ABCC3: variants seen among roughly 807,000 people sequenced by gnomAD.
ABCC3 encodes the protein ATP-binding cassette sub-family C member 3.
Under a neutral mutation model 165.3 loss-of-function variants are expected in ABCC3, and 121 were observed. The ratio of observed to expected loss-of-function variants is 0.73; its 90% CI spans 0.63 to 0.85. The LOEUF is 0.85. ABCC3 is among the 40% of genes least tolerant of loss of function. The probability of loss-of-function intolerance (pLI) is 0.00; values close to 1 mark genes in which losing one functional copy is unlikely to be tolerated. For missense variants in ABCC3, 1,869 were observed against 1,964.1 expected (o/e 0.95, Z 0.92); for synonymous variants, 733 against 810.1 (o/e 0.90, Z 1.62).
At chr17:50,683,502 C>A in intron 26 of ABCC3, 108 bp from the exon 27 acceptor site, 3 of 1,305,074 alleles carry the variant, frequency 2.3e-6, no homozygotes, top group Non-Finnish European at 3.0e-6. Context: ...AGGACCCTCC[C>A]AGGGACCATA....
intron 26 of ABCC3, among the ~76,000 whole-genome samples, chr17:50,681,281 G>T (rs189226625): frequency 6.6e-6 from 1 of 152,188 alleles, no homozygotes; most frequent in African/African-American, 2.4e-5. Flanking sequence ...TAAAAAGTAG[G>T]TTCTAAGACG....
chr17:50,684,082 G>C lies in ABCC3; in HGVS notation c.4088G>C (p.Arg1363Pro). The C allele has an allele frequency of 6.2e-7, 1 of 1,613,254 alleles. No homozygotes were observed. The highest frequency in any genetic ancestry group is 8.5e-7 in the Non-Finnish European group (1 of 1,179,734). Residue 1363 changes from arginine (R) to proline (P), a missense_variant, in exon 28 of 31, where the codon CGC becomes CCC. Coordinates refer to ENST00000285238, the MANE Select transcript of ABCC3 (RefSeq NM_003786.4). Reference sequence around the variant, plus strand: ...GCAGACATCGGCCTCCATGACCTGCGCTCTCAGCTGACCATCATCCCGCAG... The same window carrying C: ...GCAGACATCGGCCTCCATGACCTGCCCTCTCAGCTGACCATCATCCCGCAG... ...NVADIGLHDL[R>P]SQLTIIPQDP...
chr17:50,683,174 A>C (rs1967955792), intron 26 of ABCC3, among the ~76,000 whole-genome samples: 1 of 151,772 alleles, frequency 6.6e-6, no homozygotes, highest in Non-Finnish European at 1.5e-5. Context: ...GCACCACTGC[A>C]CTCCAGCCTG....
At position 50,673,676 on chromosome 17, in the gene ABCC3, C is replaced by T. The variant is rs1229231832; in HGVS notation, c.2599+18C>T. ...CTGGACCGGTATCTGCCATCCTGGG[C>T]CCTCTGATTCCCATGCCTTCCCAGC... On this transcript the variant is annotated intron_variant, in intron 19 of 30. Coordinates refer to ENST00000285238, the MANE Select transcript of ABCC3 (RefSeq NM_003786.4). 2 of 1,611,684 alleles carry T rather than the reference C, an allele frequency of 1.2e-6. No individual in the cohort carries two copies. Among genetic ancestry groups the T allele is most frequent in the Admixed American group, 1.7e-5 (1 of 59,932 alleles).
intron 1 of ABCC3, among the ~76,000 whole-genome samples, chr17:50,653,166 T>A (rs1006527630): frequency 9.3e-5 from 14 of 150,882 alleles, no homozygotes; most frequent in African/African-American, 3.2e-4. Flanking sequence ...GCCTACATGG[T>A]GAAACCCCAT....
intron 11 of ABCC3, among the ~76,000 whole-genome samples, chr17:50,666,567 A>T (rs909063429): frequency 6.6e-6 from 1 of 152,158 alleles, no homozygotes; most frequent in African/African-American, 2.4e-5. Flanking sequence ...TTCTTACAGG[A>T]TCCTGTGATT....
chr17:50,678,319 C>T, intron 25 of ABCC3, 100 bp downstream of exon 25: 1 of 1,286,492 alleles, frequency 7.8e-7, no homozygotes, highest in Non-Finnish European at 1.0e-6. Context: ...TCAGTATGGG[C>T]ACCAGCCACA....
chr17:50,657,958 TG>T, intron 4 of ABCC3, 123 bp from the exon 5 acceptor site: 1 of 1,368,880 alleles, frequency 7.3e-7, no homozygotes, highest in Non-Finnish European at 1.0e-6. Flanking sequence ...AGTGGGGACC[TG>T]GAGGCCCCCA....
chr17:50,679,606 C>T (rs1024034491), intron 25 of ABCC3, 192 bp from the exon 26 acceptor site: 28 of 537,952 alleles, frequency 5.2e-5, no homozygotes, highest in Non-Finnish European at 8.9e-5. Context: ...TCTGCACTGT[C>T]ACTGCCCAAG....
intron 17 of ABCC3, 82 bp downstream of exon 17, chr17:50,669,610 C>A: frequency 6.9e-7 from 1 of 1,449,578 alleles, no homozygotes; most frequent in Non-Finnish European, 9.5e-7. Context: ...ATATTCATCC[C>A]TTCATTCACA....
intron 1 of ABCC3, among the ~76,000 whole-genome samples, chr17:50,650,784 G>A (rs927912587): frequency 1.3e-5 from 2 of 151,466 alleles, no homozygotes; most frequent in South Asian, 2.1e-4. Context: ...TCTTAACCCC[G>A]GCCAGGTACA....
intron 1 of ABCC3, among the ~76,000 whole-genome samples, chr17:50,655,412 A>AAAAC (rs1555586116): frequency 5.4e-5 from 8 of 149,410 alleles, no homozygotes; most frequent in South Asian, 2.1e-4. Context: ...CTCAAAAAAA[A>AAAAC]AAAAAAAAAC....
Position 50,689,895 on chromosome 17 carries a change from T to C in ABCC3, c.4476-1197T>C, listed in dbSNP as rs1381004385. 2.0e-5 allele frequency among the ~76,000 whole-genome samples: 3 copies of C among 151,930 alleles called. No homozygotes were observed. In the East Asian group the frequency reaches 5.8e-4, roughly 29 times the overall value. ...GAGGGGCTTGGATGGACCTTGGAGG[T>C]TGGGAGTTCATTCATTCTAGTGGAA... On this transcript the variant is annotated intron_variant, in intron 30 of 30. Coordinates refer to ENST00000285238, the MANE Select transcript of ABCC3 (RefSeq NM_003786.4).
intron 24 of ABCC3, 40 bp downstream of exon 24, chr17:50,677,983 T>C (rs1247709866): frequency 1.9e-6 from 3 of 1,613,964 alleles, no homozygotes; most frequent in South Asian, 2.2e-5. Context: ...CCTCCAGGAA[T>C]TCCCAGCAGG....
At position 50,687,565 on chromosome 17, in the gene ABCC3, C is replaced by T; in HGVS notation, c.4310C>T (p.Ala1437Val). The T allele has an allele frequency of 6.2e-7, 1 of 1,613,898 alleles. No individual in the cohort carries two copies. Among genetic ancestry groups the T allele is most frequent in the Middle Eastern group, 1.6e-4 (1 of 6,062 alleles). The change falls in exon 30 of 31, where the codon GCC (alanine) becomes GTC (valine). Residue 1437 changes from alanine to valine, a missense_variant. Coordinates refer to ENST00000285238, the MANE Select transcript of ABCC3 (RefSeq NM_003786.4). The part of the protein sequence containing the change: ...SVGQRQLVCL[A>V]RALLRKSRIL... ...GGCCAGAGGCAGCTCGTGTGCCTGG[C>T]CCGAGCCCTGCTCCGCAAGAGCCGC...
At chr17:50,653,344 C>CAAAAAAAAAAAAAAAAAA (rs1298179994) in intron 1 of ABCC3, among the ~76,000 whole-genome samples, 19 of 47,604 alleles carry the variant, frequency 4.0e-4, no homozygotes, top group Middle Eastern at 9.6e-3. Flanking sequence ...GAGACTGTCT[C>CAAAAAAAAAAAAAAAAAA]AAAAAAAAAA....
intron 6 of ABCC3, 22 bp from the exon 7 acceptor site, chr17:50,659,215 G>A: frequency 6.2e-7 from 1 of 1,612,416 alleles, no homozygotes; most frequent in Non-Finnish European, 8.5e-7. Flanking sequence ...GGGGCTGCCT[G>A]CCGGGCTTCA....
At chr17:50,668,060 G>A (rs1567833134) in intron 13 of ABCC3, 51 bp downstream of exon 13, 1 of 1,543,054 alleles carries the variant, frequency 6.5e-7, no homozygotes, top group Admixed American at 1.7e-5. Context: ...CAGGTTGTTG[G>A]GGTCAGGGAA....
chr17:50,654,954 G>C (rs1967193399), intron 1 of ABCC3, among the ~76,000 whole-genome samples: 2 of 146,102 alleles, frequency 1.4e-5, no homozygotes, highest in African/African-American at 5.0e-5. Flanking sequence ...AAAAAAATTA[G>C]CCGGGCGTAG....
Sources: allele counts gnomAD v4.1 joint callset (sites outside exome capture counted in the v4.1 genomes callset), GRCh38; gene constraint gnomAD v4.1.1; transcripts MANE v1.5; gene names NCBI Gene and HGNC (gene_info 2026-07-23, HGNC 2026-07-21).